The following PRKN variants were observed in gnomAD, a reference collection of about 807,000 sequenced individuals.
PRKN encodes E3 ubiquitin-protein ligase parkin.
PRKN carries 56 observed loss-of-function variants against 59.5 expected under a neutral mutation model. The ratio of observed to expected loss-of-function variants is 0.94; its 90% CI spans 0.76 to 1.18. The LOEUF (loss-of-function observed/expected upper bound fraction) is 1.18. PRKN is among the 50% of genes most tolerant of loss of function. The pLI, the probability that PRKN is intolerant of heterozygous loss-of-function variation, is 0.00. For missense variants in PRKN, 657 were observed against 596.4 expected (o/e 1.10, Z -1.06); for synonymous variants, 250 against 222.1 (o/e 1.13, Z -1.12).
At chr6:162,575,489 G>A (rs529564898) in intron 1 of PRKN, among the ~76,000 whole-genome samples, 4 of 152,188 alleles carry the variant, frequency 2.6e-5, no homozygotes, top group East Asian at 1.9e-4. Flanking sequence ...CTTTTCCTCC[G>A]TATTTTCCCT....
chr6:162,091,908 T>C (rs1779513267), intron 4 of PRKN, among the ~76,000 whole-genome samples: 1 of 151,776 alleles, frequency 6.6e-6, no homozygotes, highest in Non-Finnish European at 1.5e-5. Context: ...TGGTGGCACA[T>C]GCCTGTAGTT....
chr6:161,725,288 T>C (rs1165068787), intron 7 of PRKN, among the ~76,000 whole-genome samples: 4 of 152,204 alleles, frequency 2.6e-5, no homozygotes, highest in Non-Finnish European at 5.9e-5. Flanking sequence ...TCTGGAATTA[T>C]AAAGACAATG....
intron 2 of PRKN, among the ~76,000 whole-genome samples, chr6:162,341,932 C>T (rs1436610447): frequency 2.6e-5 from 4 of 151,558 alleles, no homozygotes; most frequent in East Asian, 1.9e-4. Flanking sequence ...GGTGTCACTT[C>T]GGCCATTCAA....
intron 2 of PRKN, among the ~76,000 whole-genome samples, chr6:162,438,554 G>A (rs1388866208): frequency 2.0e-5 from 3 of 152,012 alleles, no homozygotes; most frequent in East Asian, 1.9e-4. Context: ...TTTTCACTGG[G>A]TATAATATTA....
In PRKN at chr6:162,198,895, G is replaced by A. The variant is rs78547733; in HGVS notation, c.534+2236C>T. 5.1e-3 allele frequency among the ~76,000 whole-genome samples: 773 copies of A among 152,152 alleles called. 5 individuals carry two copies. The highest frequency in any genetic ancestry group is 0.018 in the African/African-American group (734 of 41,512). ...CTCTATTTTGGCTTGTTATGTTTAG[G>A]CCAATGCTACAGGTTGGTTTTCTTT... On this transcript the variant is annotated intron_variant, in intron 4 of 11. Coordinates refer to ENST00000366898, the MANE Select transcript of PRKN (RefSeq NM_004562.3).
chr6:161,914,225 G>A (rs1364758590), intron 6 of PRKN, among the ~76,000 whole-genome samples: 3 of 152,076 alleles, frequency 2.0e-5, no homozygotes, highest in Admixed American at 1.3e-4. Flanking sequence ...TCAGAATAAG[G>A]TAGTATTATA....
At chr6:162,683,400 T>C (rs66789102) in intron 1 of PRKN, among the ~76,000 whole-genome samples, 13,148 of 152,182 alleles carry the variant, frequency 0.086, 702 homozygotes, top group Middle Eastern at 0.18. Flanking sequence ...CATGGGATCA[T>C]AGAAGATAAC....
At chr6:161,664,787 C>CT (rs1275362787) in intron 7 of PRKN, among the ~76,000 whole-genome samples, 1 of 85,192 alleles carries the variant, frequency 1.2e-5, no homozygotes, top group Non-Finnish European at 2.7e-5. Context: ...CAACAACTGA[C>CT]TTTTTCTTTT....
chr6:161,946,314 T>C (rs1356069100), intron 6 of PRKN, among the ~76,000 whole-genome samples: 4 of 151,856 alleles, frequency 2.6e-5, no homozygotes, highest in African/African-American at 7.3e-5. Flanking sequence ...GGCAAAGTGA[T>C]AACTTGGCTT....
At chr6:161,891,933 T>C (rs759889656) in intron 6 of PRKN, among the ~76,000 whole-genome samples, 3 of 152,006 alleles carry the variant, frequency 2.0e-5, no homozygotes, top group African/African-American at 7.3e-5. Flanking sequence ...TACCTAGACA[T>C]CTCACAAATA....
intron 7 of PRKN, among the ~76,000 whole-genome samples, chr6:161,615,340 G>A (rs1782652244): frequency 1.3e-5 from 2 of 152,102 alleles, no homozygotes; most frequent in Non-Finnish European, 2.9e-5. Flanking sequence ...TAAAAAGTTG[G>A]TAGAATTTAG....
intron 9 of PRKN, among the ~76,000 whole-genome samples, chr6:161,479,473 G>T (rs1472152519): frequency 1.3e-5 from 2 of 152,018 alleles, no homozygotes; most frequent in Non-Finnish European, 2.9e-5. Flanking sequence ...TTTATAATCA[G>T]AACGCAAGCA....
chr6:162,305,867 C>T (rs1014519669), intron 2 of PRKN, among the ~76,000 whole-genome samples: 1 of 151,966 alleles, frequency 6.6e-6, no homozygotes, highest in East Asian at 1.9e-4. Flanking sequence ...TCTATAGTAT[C>T]TATATCTGTT....
chr6:161,989,562 C>A (rs1781564924), intron 5 of PRKN, among the ~76,000 whole-genome samples: 1 of 152,044 alleles, frequency 6.6e-6, no homozygotes, highest in South Asian at 2.1e-4. Context: ...CTGCTGGCAC[C>A]CAAGCATGCT....
intron 2 of PRKN, among the ~76,000 whole-genome samples, chr6:162,411,373 A>T (rs1788347464): frequency 6.6e-6 from 1 of 152,140 alleles, no homozygotes; most frequent in Admixed American, 6.6e-5. Flanking sequence ...TTTCTAGACA[A>T]AAGATGGACC....
chr6:161,771,369 A>AT (rs71278569), intron 7 of PRKN, among the ~76,000 whole-genome samples: 28,432 of 89,402 alleles, frequency 0.32, 4,422 homozygotes, highest in East Asian at 0.59. Flanking sequence ...AAAAAAAAAA[A>AT]AATAAAATAA....
chr6:161,737,664 C>T (rs1335346667), intron 7 of PRKN, among the ~76,000 whole-genome samples: 2 of 152,144 alleles, frequency 1.3e-5, no homozygotes, highest in Non-Finnish European at 2.9e-5. Context: ...AGCAAGATTA[C>T]AGAGCTACTG....
chr6:162,059,629 A>G (rs932414226), intron 4 of PRKN, among the ~76,000 whole-genome samples: 2 of 152,230 alleles, frequency 1.3e-5, no homozygotes, highest in Non-Finnish European at 2.9e-5. Flanking sequence ...TAATACGTCA[A>G]TTAGAGAAGC....
intron 7 of PRKN, among the ~76,000 whole-genome samples, chr6:161,622,440 G>T (rs561772821): frequency 6.6e-6 from 1 of 152,130 alleles, no homozygotes; most frequent in Non-Finnish European, 1.5e-5. Context: ...TGGGAGCTGT[G>T]CCCAGGCATT....
Sources: gnomAD v4.1 joint callset for allele counts (sites outside exome capture counted in the v4.1 genomes callset) on GRCh38, gnomAD v4.1.1 for gene constraint, MANE v1.5 for transcripts, NCBI Gene and HGNC (gene_info 2026-07-23, HGNC 2026-07-21) for gene names.